Variants in BARD1 observed in about 807,000 individuals in gnomAD.
The protein encoded by BARD1 is BRCA1-associated RING domain protein 1.
In BARD1, 73 loss-of-function variants were observed where a neutral mutation model predicts 77.0. The ratio of observed to expected loss-of-function variants is 0.95; its 90% confidence interval spans 0.79 to 1.15. The LOEUF (loss-of-function observed/expected upper bound fraction) is 1.15, where lower values mean the gene tolerates loss of function less well. Ranked by LOEUF, BARD1 falls within the 50% of genes most tolerant of loss-of-function variation. The pLI, the probability that BARD1 is intolerant of heterozygous loss-of-function variation, is 0.00. For synonymous variants in BARD1, 384 were observed against 338.0 expected (o/e 1.14, Z -1.49); for missense variants, 993 against 938.8 (o/e 1.06, Z -0.75).
At chr2:214,787,617 C>T (rs1017656156) in intron 3 of BARD1, among the ~76,000 whole-genome samples, 4 of 151,916 alleles carry the variant, frequency 2.6e-5, no homozygotes, top group South Asian at 2.1e-4. Flanking sequence ...ACTGGTCCTT[C>T]CTCTGCACAG....
At chr2:214,767,241 A>ATTTT (rs1185375755) in intron 6 of BARD1, among the ~76,000 whole-genome samples, 2 of 152,096 alleles carry the variant, frequency 1.3e-5, no homozygotes, top group African/African-American at 4.8e-5. Context: ...TTTCCCAATT[A>ATTTT]TTTTTGATCT....
intron 3 of BARD1, among the ~76,000 whole-genome samples, chr2:214,788,366 A>C (rs1695368797): frequency 6.6e-6 from 1 of 152,088 alleles, no homozygotes; most frequent in Non-Finnish European, 1.5e-5. Flanking sequence ...GGTTGTCAGC[A>C]AAATTTGACA....
chr2:214,727,216 ACAT>A lies in BARD1; in HGVS notation c.*1457_*1459del. On this transcript the variant is annotated 3_prime_UTR_variant, in exon 11 of 11. Coordinates refer to ENST00000260947, the MANE Select transcript of BARD1 (RefSeq NM_000465.4). ...ATATATTTCTTGATATGAAAAAACA[ACAT>A]GTCAAAGAAAGAATTAAAGCAAAAT... is the stretch of plus-strand genomic sequence containing the variant. The A allele has an allele frequency of 4.4e-6, 1 of 226,748 alleles. No individual in the cohort carries two copies. The highest frequency in any genetic ancestry group is 6.4e-5 in the East Asian group (1 of 15,610). The allele number at this position is 226,748 out of a possible 1,614,324, so 14.0% of individuals were successfully genotyped here. A position where few individuals can be genotyped will look rare whatever the true frequency, so the allele number is the denominator to read the frequency against.
chr2:214,774,923 G>T (rs1694672101), intron 4 of BARD1, among the ~76,000 whole-genome samples: 1 of 152,126 alleles, frequency 6.6e-6, no homozygotes. Flanking sequence ...ACCTCTGCTA[G>T]CTTCCAACTT....
At chr2:214,739,089 C>T (rs1692694853) in intron 9 of BARD1, among the ~76,000 whole-genome samples, 1 of 151,954 alleles carries the variant, frequency 6.6e-6, no homozygotes, top group South Asian at 2.1e-4. Context: ...TTCATGGCTG[C>T]AAAGAGCTAT....
intron 4 of BARD1, among the ~76,000 whole-genome samples, chr2:214,776,232 G>T (rs1694732219): frequency 6.6e-6 from 1 of 152,270 alleles, no homozygotes; most frequent in East Asian, 1.9e-4. Context: ...TGGTAGAAGG[G>T]TGTGGGGGAA....
At chr2:214,771,598 C>G (rs1213869786) in intron 4 of BARD1, among the ~76,000 whole-genome samples, 2 of 151,754 alleles carry the variant, frequency 1.3e-5, no homozygotes, top group African/African-American at 4.8e-5. Flanking sequence ...CATGGTGGTA[C>G]ACGCCTGTAA....
rs928372760 is a variant in BARD1, at chr2:214,771,419, A to AT, written c.1315-2108dup. On this transcript the variant is annotated intron_variant, in intron 4 of 10. Coordinates refer to ENST00000260947, the MANE Select transcript of BARD1 (RefSeq NM_000465.4). ...CTAATTCTCCTAAATATAATATTTG[A>AT]TTTTTTTTTCTTTTTAAAAAATTTT... Among the ~76,000 whole-genome samples, 33 of 151,296 alleles carry AT rather than the reference A, an allele frequency of 2.2e-4. No homozygotes were observed. The South Asian group carries it at 4.0e-3, about 18-fold the overall frequency.
At chr2:214,749,795 T>A (rs1693318517) in intron 7 of BARD1, among the ~76,000 whole-genome samples, 1 of 140,960 alleles carries the variant, frequency 7.1e-6, no homozygotes, top group Non-Finnish European at 1.6e-5. Context: ...TTTTTTTTTT[T>A]AATGGCTGGT....
chr2:214,770,797 G>A (rs1694447242), intron 4 of BARD1, among the ~76,000 whole-genome samples: 2 of 152,078 alleles, frequency 1.3e-5, no homozygotes, highest in South Asian at 2.1e-4. Context: ...AGGAGTTCTG[G>A]GGAACTGGTC....
chr2:214,797,715 T>A (rs975671445), intron 1 of BARD1, among the ~76,000 whole-genome samples: 8 of 152,172 alleles, frequency 5.3e-5, no homozygotes, highest in African/African-American at 1.9e-4. Context: ...AAAGTAGCCA[T>A]CAATTTTTCA....
At chr2:214,784,253 T>C (rs1274710010) in intron 3 of BARD1, among the ~76,000 whole-genome samples, 2 of 147,620 alleles carry the variant, frequency 1.4e-5, no homozygotes, top group Non-Finnish European at 3.1e-5. Flanking sequence ...AAGAAGACAT[T>C]TATGTGGCCA....
At chr2:214,751,136 TATATATATATATATA>T (rs369404975) in intron 7 of BARD1, among the ~76,000 whole-genome samples, 516 of 46,072 alleles carry the variant, frequency 0.011, 102 homozygotes, top group South Asian at 0.033. Context: ...TATATATATA[TATATATATATATATA>T]TTTTTTTTTT....
chr2:214,730,639 A>G (rs897309316), intron 9 of BARD1, 131 bp from the exon 10 acceptor site: 4 of 737,728 alleles, frequency 5.4e-6, no homozygotes, highest in African/African-American at 5.3e-5. Context: ...TCTAAAATGC[A>G]AACAGAAATC....
chr2:214,766,047 GGCAGAGAC>G (rs1455499723), intron 6 of BARD1, among the ~76,000 whole-genome samples: 1 of 151,984 alleles, frequency 6.6e-6, no homozygotes, highest in African/African-American at 2.4e-5. Flanking sequence ...AAGCAACAAG[GGCAGAGAC>G]GCAATACCTG....
chr2:214,730,168 C>A (rs1328680498), intron 10 of BARD1: 3 of 516,100 alleles, frequency 5.8e-6, no homozygotes, highest in Non-Finnish European at 7.0e-6. Flanking sequence ...AGATTTACCT[C>A]AGATTCTGAA....
intron 9 of BARD1, among the ~76,000 whole-genome samples, chr2:214,736,564 A>T (rs1574718923): frequency 1.3e-5 from 2 of 152,290 alleles, no homozygotes; most frequent in South Asian, 4.1e-4. Flanking sequence ...TGCTTGTGCC[A>T]GCTGCTTCTC....
At chr2:214,793,057 TC>T (rs552869439) in intron 2 of BARD1, among the ~76,000 whole-genome samples, 1 of 151,862 alleles carries the variant, frequency 6.6e-6, no homozygotes, top group African/African-American at 2.4e-5. Flanking sequence ...GGATTCACGA[TC>T]CCCCCCACAA....
chr2:214,797,967 T>C (rs893452549), intron 1 of BARD1, among the ~76,000 whole-genome samples: 2 of 152,122 alleles, frequency 1.3e-5, no homozygotes, highest in Non-Finnish European at 2.9e-5. Context: ...CAAGACATTA[T>C]ACTCAATGGA....
Sources: allele counts gnomAD v4.1 joint callset (sites outside exome capture counted in the v4.1 genomes callset), GRCh38; gene constraint gnomAD v4.1.1; transcripts MANE v1.5; gene names NCBI Gene and HGNC (gene_info 2026-07-23, HGNC 2026-07-21).